Variants in LOC128092252 observed in about 807,000 individuals in gnomAD.
At chr15:50,652,638 C>A in the LOC128092252 span, among the ~76,000 whole-genome samples, 1 of 122,186 alleles carries the variant, frequency 8.2e-6, no homozygotes, top group Non-Finnish European at 1.8e-5. Flanking sequence ...ATTCTACATA[C>A]GTTCTTCCAA....
At chr15:50,684,500 G>A in the LOC128092252 span, among the ~76,000 whole-genome samples, 2 of 152,042 alleles carry the variant, frequency 1.3e-5, no homozygotes, top group Non-Finnish European at 2.9e-5. Flanking sequence ...AATTAGCCGG[G>A]TGTGGTGGCT....
chr15:50,656,954 G>A, the LOC128092252 span, among the ~76,000 whole-genome samples: 1 of 152,028 alleles, frequency 6.6e-6, no homozygotes, highest in Non-Finnish European at 1.5e-5. Context: ...TCATCTTTTT[G>A]CCAGAGTCAC....
chr15:50,664,480 C>T, the LOC128092252 span, among the ~76,000 whole-genome samples: 1 of 151,988 alleles, frequency 6.6e-6, no homozygotes, highest in Non-Finnish European at 1.5e-5. Context: ...AAAATGGGTA[C>T]AACACATCAA....
the LOC128092252 span, among the ~76,000 whole-genome samples, chr15:50,663,442 C>G: frequency 6.6e-6 from 1 of 152,036 alleles, no homozygotes; most frequent in Non-Finnish European, 1.5e-5. Context: ...CACTTCTATA[C>G]TACATAATTT....
At chr15:50,666,087 AAAATT>A in the LOC128092252 span, among the ~76,000 whole-genome samples, 3 of 152,216 alleles carry the variant, frequency 2.0e-5, no homozygotes, top group Non-Finnish European at 1.5e-5. Context: ...GGAAAGAAAT[AAAATT>A]AAAGAAAAAA....
the LOC128092252 span, among the ~76,000 whole-genome samples, chr15:50,672,366 ATT>A: frequency 6.9e-6 from 1 of 145,396 alleles, no homozygotes. Flanking sequence ...ACTCCTACCT[ATT>A]TTTTTTTTTA....
At chr15:50,649,627 C>G in the LOC128092252 span, among the ~76,000 whole-genome samples, 3 of 152,020 alleles carry the variant, frequency 2.0e-5, no homozygotes, top group African/African-American at 7.2e-5. Flanking sequence ...GTGAACTAAT[C>G]TATATAGTGA....
the LOC128092252 span, among the ~76,000 whole-genome samples, chr15:50,671,102 A>C: frequency 6.6e-6 from 1 of 152,152 alleles, no homozygotes; most frequent in Non-Finnish European, 1.5e-5. Context: ...TTTTTCAAAA[A>C]TACATTGTTA....
the LOC128092252 span, among the ~76,000 whole-genome samples, chr15:50,682,127 G>A: frequency 8.4e-5 from 11 of 130,268 alleles, no homozygotes; most frequent in African/African-American, 1.4e-4. Context: ...GCAGTGAGCC[G>A]ACATCGCGCC....
At chr15:50,659,964 C>T in the LOC128092252 span, among the ~76,000 whole-genome samples, 1 of 152,132 alleles carries the variant, frequency 6.6e-6, no homozygotes, top group Non-Finnish European at 1.5e-5. Flanking sequence ...CACACCCGAC[C>T]AACAAAATCT....
chr15:50,680,897 C>T, the LOC128092252 span, among the ~76,000 whole-genome samples: 1 of 152,116 alleles, frequency 6.6e-6, no homozygotes, highest in Non-Finnish European at 1.5e-5. Context: ...TGATTCTCTG[C>T]TCTTTATATA....
chr15:50,678,517 AATATATAT>A, the LOC128092252 span, among the ~76,000 whole-genome samples: 23 of 132,714 alleles, frequency 1.7e-4, no homozygotes, highest in African/African-American at 4.7e-4. Flanking sequence ...AAAAAAAAAA[AATATATAT>A]ATATATATAT....
the LOC128092252 span, chr15:50,662,941 C>G: frequency 8.4e-6 from 13 of 1,545,754 alleles, no homozygotes; most frequent in Non-Finnish European, 1.2e-5. Flanking sequence ...TCTAGAAGAC[C>G]CCAGAAGTAA....
the LOC128092252 span, among the ~76,000 whole-genome samples, chr15:50,652,634 CATACGTTCTTCCAAAAAA>C: frequency 1.5e-5 from 2 of 131,150 alleles, no homozygotes; most frequent in Non-Finnish European, 3.3e-5. Flanking sequence ...ATAAATTCTA[CATACGTTCTTCCAAAAAA>C]ATCGTTTAAG....
At chr15:50,676,558 T>C in the LOC128092252 span, among the ~76,000 whole-genome samples, 1 of 151,738 alleles carries the variant, frequency 6.6e-6, no homozygotes, top group African/African-American at 2.4e-5. Context: ...ATCTCTATCG[T>C]TTAAATTTTT....
At chr15:50,685,326 T>G in the LOC128092252 span, among the ~76,000 whole-genome samples, 23 of 152,258 alleles carry the variant, frequency 1.5e-4, no homozygotes, top group East Asian at 4.4e-3. Flanking sequence ...TAGCCGGGCA[T>G]GGTGGCTACA....
chr15:50,682,493 T>C, the LOC128092252 span, among the ~76,000 whole-genome samples: 1 of 151,854 alleles, frequency 6.6e-6, no homozygotes, highest in East Asian at 1.9e-4. Flanking sequence ...GGAGAATCAC[T>C]TGAATCCAGG....
At chr15:50,674,480 G>A in the LOC128092252 span, among the ~76,000 whole-genome samples, 1 of 152,062 alleles carries the variant, frequency 6.6e-6, no homozygotes, top group South Asian at 2.1e-4. Context: ...ATATGTTTTT[G>A]TACTATGTAT....
chr15:50,680,569 C>CA, the LOC128092252 span, among the ~76,000 whole-genome samples: 9,285 of 106,292 alleles, frequency 0.087, 387 homozygotes, highest in African/African-American at 0.16. Flanking sequence ...ACACTTGTCT[C>CA]AAAAAAAAAA....
Sources: gnomAD v4.1 joint callset for allele counts (sites outside exome capture counted in the v4.1 genomes callset) on GRCh38, gnomAD v4.1.1 for gene constraint, MANE v1.5 for transcripts.